The following GADL1 variants were observed in gnomAD, a reference collection of about 807,000 sequenced individuals.
The protein encoded by GADL1 is acidic amino acid decarboxylase GADL1.
Under a neutral mutation model 69.5 loss-of-function variants are expected in GADL1, and 71 were observed. The ratio of observed to expected loss-of-function variants is 1.02; its 90% CI spans 0.84 to 1.25. The LOEUF is 1.25. GADL1 is among the 50% of genes most tolerant of loss of function. The probability of loss-of-function intolerance (pLI) is 0.00; values close to 1 mark genes in which losing one functional copy is unlikely to be tolerated. For synonymous variants in GADL1, 254 were observed against 214.4 expected, an observed-to-expected ratio of 1.18 and a Z score of -1.62; for missense variants, 737 against 631.8, an observed-to-expected ratio of 1.17 and a Z score of -1.79.
chr3:30,861,014 G>A (rs1698312290), intron 2 of GADL1, among the ~76,000 whole-genome samples: 1 of 151,904 alleles, frequency 6.6e-6, no homozygotes, highest in Non-Finnish European at 1.5e-5. Context: ...GTCATTAGCG[G>A]CGGTTCTAAT....
At chr3:30,827,943 C>T (rs900791496) in intron 11 of GADL1, among the ~76,000 whole-genome samples, 2 of 151,808 alleles carry the variant, frequency 1.3e-5, no homozygotes, top group Non-Finnish European at 2.9e-5. Flanking sequence ...CCTACCTTCC[C>T]CTTTTTCTGC....
intron 14 of GADL1, among the ~76,000 whole-genome samples, chr3:30,741,173 ATATATAT>A (rs1695620640): frequency 7.7e-6 from 1 of 130,112 alleles, no homozygotes; most frequent in African/African-American, 3.2e-5. Context: ...TATAAATATT[ATATATAT>A]TATATAATTA....
chr3:30,855,120 T>C (rs536595860), intron 3 of GADL1, among the ~76,000 whole-genome samples: 2 of 152,160 alleles, frequency 1.3e-5, no homozygotes, highest in African/African-American at 4.8e-5. Flanking sequence ...CAATTAAGAT[T>C]TGTGCACTTT....
At chr3:30,850,740 T>C in intron 5 of GADL1, 95 bp downstream of exon 5, 1 of 689,010 alleles carries the variant, frequency 1.5e-6, no homozygotes, top group Non-Finnish European at 2.6e-6. Flanking sequence ...TATCCAACTT[T>C]TTGTCGTGTA....
At chr3:30,867,292 C>T (rs1033168072) in intron 1 of GADL1, among the ~76,000 whole-genome samples, 1 of 151,512 alleles carries the variant, frequency 6.6e-6, no homozygotes, top group African/African-American at 2.4e-5. Flanking sequence ...TTCTGGGTGA[C>T]CTCTAAAGTC....
intron 1 of GADL1, among the ~76,000 whole-genome samples, chr3:30,862,748 C>A (rs899980581): frequency 3.3e-5 from 5 of 151,986 alleles, no homozygotes; most frequent in African/African-American, 1.2e-4. Context: ...AGGCAAAGAG[C>A]TAGCTGCTTC....
intron 11 of GADL1, among the ~76,000 whole-genome samples, chr3:30,831,359 T>C (rs1377440975): frequency 6.6e-6 from 1 of 151,958 alleles, no homozygotes; most frequent in African/African-American, 2.4e-5. Context: ...TTTCACATGA[T>C]GTTCCTTCCA....
intron 1 of GADL1, among the ~76,000 whole-genome samples, chr3:30,862,754 G>A (rs1447604427): frequency 6.6e-6 from 1 of 151,980 alleles, no homozygotes; most frequent in African/African-American, 2.4e-5. Flanking sequence ...AGAGCTAGCT[G>A]CTTCCTTCTT....
chr3:30,863,027 T>TCTCACACACACACACA (rs1553603176), intron 1 of GADL1, among the ~76,000 whole-genome samples: 30 of 110,218 alleles, frequency 2.7e-4, no homozygotes, highest in African/African-American at 7.8e-4. Context: ...CATGTCTGTT[T>TCTCACACACACACACA]CACACACACA....
At chr3:30,758,250 T>C (rs530230056) in intron 14 of GADL1, among the ~76,000 whole-genome samples, 1 of 152,358 alleles carries the variant, frequency 6.6e-6, no homozygotes, top group South Asian at 2.1e-4. Context: ...GCACCAAGTA[T>C]GTATTCTTAG....
intron 11 of GADL1, among the ~76,000 whole-genome samples, chr3:30,810,157 G>C (rs1057286791): frequency 2.6e-5 from 4 of 152,118 alleles, no homozygotes; most frequent in African/African-American, 4.8e-5. Context: ...CTCAAAAACT[G>C]TGTGCTATCA....
At chr3:30,734,766 G>A (rs909661291) in intron 14 of GADL1, among the ~76,000 whole-genome samples, 1 of 152,052 alleles carries the variant, frequency 6.6e-6, no homozygotes, top group Non-Finnish European at 1.5e-5. Flanking sequence ...TCTCCCAAAT[G>A]AGACATCTTA....
intron 14 of GADL1, among the ~76,000 whole-genome samples, chr3:30,755,055 C>T (rs1171203479): frequency 1.3e-5 from 2 of 152,088 alleles, no homozygotes; most frequent in African/African-American, 2.4e-5. Flanking sequence ...AGCAAGATAT[C>T]CAGAGGATTT....
At chr3:30,781,552 C>T (rs1696665782) in intron 13 of GADL1, among the ~76,000 whole-genome samples, 1 of 152,140 alleles carries the variant, frequency 6.6e-6, no homozygotes, top group Non-Finnish European at 1.5e-5. Flanking sequence ...TAATTGACTT[C>T]AAGCTTATAG....
intron 6 of GADL1, among the ~76,000 whole-genome samples, chr3:30,848,038 T>G (rs1453860343): frequency 6.6e-6 from 1 of 152,176 alleles, no homozygotes. Flanking sequence ...TTTAATCAGC[T>G]TTCCCAAGCT....
At chr3:30,857,531 G>A (rs1036998580) in intron 2 of GADL1, among the ~76,000 whole-genome samples, 1 of 151,970 alleles carries the variant, frequency 6.6e-6, no homozygotes, top group African/African-American at 2.4e-5. Context: ...GGTATGGCTT[G>A]AACATGGATT....
In GADL1 at chr3:30,824,069, C is replaced by T. The variant is rs138296429; in HGVS notation, c.1050+9784G>A. On this transcript the variant is annotated intron_variant, in intron 11 of 14. Transcript: ENST00000282538. The stretch of plus-strand genomic sequence containing the variant: ...GAAAGCAGGGATAATAATTACAAAA[C>T]GTATCAATCTACAGATTCAAGAAAC... Among the ~76,000 whole-genome samples the T allele has an allele frequency of 2.0e-3, 306 of 151,744 alleles. 1 individual carries two copies. Among genetic ancestry groups the T allele is most frequent in the African/African-American group, 7.0e-3 (291 of 41,460 alleles).
At chr3:30,888,240 G>A (rs574262944) in intron 1 of GADL1, among the ~76,000 whole-genome samples, 5 of 152,190 alleles carry the variant, frequency 3.3e-5, no homozygotes, top group African/African-American at 9.6e-5. Context: ...TACTTATAGG[G>A]GAGAAAAGAG....
intron 14 of GADL1, among the ~76,000 whole-genome samples, chr3:30,758,863 C>T (rs1470744049): frequency 6.6e-6 from 1 of 152,234 alleles, no homozygotes; most frequent in Non-Finnish European, 1.5e-5. Flanking sequence ...TTTTGATAGT[C>T]TTCCCTGAGC....
Sources: allele counts gnomAD v4.1 joint callset (sites outside exome capture counted in the v4.1 genomes callset), GRCh38; gene constraint gnomAD v4.1.1; transcripts MANE v1.5; gene names NCBI Gene and HGNC (gene_info 2026-07-23, HGNC 2026-07-21).